NDUFAF6: variants seen among roughly 807,000 people sequenced by gnomAD.
The protein encoded by NDUFAF6 is NADH:ubiquinone oxidoreductase complex assembly factor 6.
NDUFAF6 carries 45 observed loss-of-function variants against 40.8 expected under a neutral mutation model. The ratio of observed to expected loss-of-function variants is 1.10; its 90% CI spans 0.87 to 1.42. The LOEUF (loss-of-function observed/expected upper bound fraction) is 1.42, where lower values mean the gene tolerates loss of function less well. Among genes scored for constraint, NDUFAF6 ranks in the 40% most tolerant of loss-of-function variants. The pLI is 0.00. For missense variants in NDUFAF6, 435 were observed against 418.5 expected (o/e 1.04, Z -0.34); for synonymous variants, 185 against 155.9 (o/e 1.19, Z -1.39).
chr8:95,053,235 A>G (rs1831643280), intron 8 of NDUFAF6, among the ~76,000 whole-genome samples: 1 of 152,244 alleles, frequency 6.6e-6, no homozygotes, highest in Non-Finnish European at 1.5e-5. Context: ...GTAGTGTAAG[A>G]GAATACAAAA....
upstream of NDUFAF6, among the ~76,000 whole-genome samples, chr8:95,099,238 T>A (rs867138875): frequency 6.6e-6 from 1 of 151,586 alleles, no homozygotes; most frequent in Non-Finnish European, 1.5e-5. Flanking sequence ...AGACCCTGTC[T>A]CAAAAAACAA....
At chr8:95,084,018 C>T (rs1460702745) in intron 2 of NDUFAF6, among the ~76,000 whole-genome samples, 3 of 152,106 alleles carry the variant, frequency 2.0e-5, no homozygotes, top group African/African-American at 7.2e-5. Context: ...AAATGTGTCA[C>T]ATTTTAGAAA....
At chr8:95,107,416 G>A (rs980960471), downstream of NDUFAF6, among the ~76,000 whole-genome samples, 1 of 152,120 alleles carries the variant, frequency 6.6e-6, no homozygotes, top group Non-Finnish European at 1.5e-5. Context: ...CTAATAAGTG[G>A]GAGTTGAACA....
At chr8:95,016,198 T>C (rs1051339103) in intron 2 of NDUFAF6, among the ~76,000 whole-genome samples, 9 of 152,196 alleles carry the variant, frequency 5.9e-5, no homozygotes, top group Non-Finnish European at 1.2e-4. Context: ...GTTCAAAAGG[T>C]AGAATTTATT....
At chr8:95,016,143 A>G (rs1316766784) in intron 2 of NDUFAF6, among the ~76,000 whole-genome samples, 1 of 111,720 alleles carries the variant, frequency 9.0e-6, no homozygotes, top group Admixed American at 8.6e-5. Context: ...TGTGCCTTAC[A>G]TATATTAATG....
At chr8:95,107,356 T>C (rs1809870050), downstream of NDUFAF6, among the ~76,000 whole-genome samples, 1 of 152,170 alleles carries the variant, frequency 6.6e-6, no homozygotes, top group Admixed American at 6.5e-5. Flanking sequence ...AAAACCATCA[T>C]TCTCAGCAAG....
upstream of NDUFAF6, among the ~76,000 whole-genome samples, chr8:94,956,671 A>C (rs905195987): frequency 2.0e-5 from 3 of 152,188 alleles, no homozygotes; most frequent in African/African-American, 7.2e-5. Flanking sequence ...AAGGCAAGGA[A>C]ATAAGATGCA....
exon 10 of NDUFAF6, chr8:95,075,668 T>C (rs1312275654): frequency 2.3e-6 from 3 of 1,288,228 alleles, no homozygotes; most frequent in East Asian, 5.5e-5. Context: ...GCGTGTGTCT[T>C]GCACAGCCAG....
downstream of NDUFAF6, among the ~76,000 whole-genome samples, chr8:95,076,367 A>G (rs182816705): frequency 1.1e-3 from 162 of 152,246 alleles, no homozygotes; most frequent in African/African-American, 3.1e-3. Context: ...TTAGCCATCA[A>G]CATCATTTCC....
intron 1 of NDUFAF6, among the ~76,000 whole-genome samples, chr8:94,906,674 G>A (rs1402806879): frequency 1.3e-5 from 2 of 152,222 alleles, no homozygotes; most frequent in African/African-American, 4.8e-5. Context: ...ACAGAGCAGA[G>A]GGAGTGTCCT....
chr8:95,045,712 C>T, intron 5 of NDUFAF6, 65 bp downstream of exon 5: 1 of 1,366,436 alleles, frequency 7.3e-7, no homozygotes, highest in Admixed American at 1.7e-5. Flanking sequence ...TTCACTTTTT[C>T]ATAATTTGGT....
chr8:95,005,775 A>G (rs1002001671), intron 2 of NDUFAF6, among the ~76,000 whole-genome samples: 1 of 151,306 alleles, frequency 6.6e-6, no homozygotes, highest in African/African-American at 2.4e-5. Flanking sequence ...AATTAGACCA[A>G]TTCGTATTGG....
chr8:95,114,452 T>C (rs1490003268), intron 4 of NDUFAF6, among the ~76,000 whole-genome samples: 1 of 152,258 alleles, frequency 6.6e-6, no homozygotes, highest in Non-Finnish European at 1.5e-5. Context: ...CCATGTTTGC[T>C]GAAAGTCAAT....
At chr8:95,019,191 A>G (rs1827591810) in intron 2 of NDUFAF6, among the ~76,000 whole-genome samples, 1 of 152,174 alleles carries the variant, frequency 6.6e-6, no homozygotes, top group Admixed American at 6.5e-5. Context: ...TTGTATTTTT[A>G]GTAGAGACAG....
At chr8:94,980,450 T>TG (rs1451942487) in intron 1 of NDUFAF6, among the ~76,000 whole-genome samples, 32 of 142,480 alleles carry the variant, frequency 2.2e-4, no homozygotes, top group African/African-American at 7.5e-4. Context: ...TTGTTTTTTT[T>TG]TTTTTTTTTT....
intron 1 of NDUFAF6, among the ~76,000 whole-genome samples, chr8:94,978,014 T>C (rs1043451062): frequency 1.3e-5 from 2 of 152,170 alleles, no homozygotes; most frequent in African/African-American, 4.8e-5. Context: ...TCTTGGACTC[T>C]GGTTCCTGAC....
chr8:95,080,800 GC>G (rs1450864834), downstream of NDUFAF6, among the ~76,000 whole-genome samples: 1 of 152,134 alleles, frequency 6.6e-6, no homozygotes, highest in Non-Finnish European at 1.5e-5. Context: ...GAGCCACTGT[GC>G]CCGGCCAAAT....
chr8:94,989,932 G>T (rs368636672), intron 2 of NDUFAF6, among the ~76,000 whole-genome samples: 3 of 152,286 alleles, frequency 2.0e-5, no homozygotes, highest in African/African-American at 7.2e-5. Flanking sequence ...CTCTCACTGT[G>T]TTGCCCAGGC....
upstream of NDUFAF6, among the ~76,000 whole-genome samples, chr8:95,095,965 G>T (rs966240797): frequency 6.6e-6 from 1 of 152,024 alleles, no homozygotes; most frequent in African/African-American, 2.4e-5. Context: ...GTGCCCGGCT[G>T]ATTTCGCTGT....
Sources: gnomAD v4.1 joint callset for allele counts (sites outside exome capture counted in the v4.1 genomes callset) on GRCh38, gnomAD v4.1.1 for gene constraint, MANE v1.5 for transcripts, NCBI Gene and HGNC (gene_info 2026-07-23, HGNC 2026-07-21) for gene names.